The following RELCH variants were observed in gnomAD, a reference collection of about 807,000 sequenced individuals.
RELCH encodes RAB11-binding protein RELCH.
A neutral mutation model predicts 150.3 loss-of-function variants in RELCH; 41 were observed. The observed-to-expected ratio is 0.27, with a 90% CI of 0.21 to 0.35. RELCH has a LOEUF of 0.35. Among genes scored for constraint, RELCH ranks in the 10% least tolerant of loss-of-function variants. RELCH has a pLI of 1.00. For missense variants in RELCH, 1,092 were observed against 1,467.8 expected, an observed-to-expected ratio of 0.74 and a Z score of 4.18; for synonymous variants, 478 against 531.8, an observed-to-expected ratio of 0.90 and a Z score of 1.39.
intron 27 of RELCH, among the ~76,000 whole-genome samples, chr18:62,293,220 G>A (rs2045241605): frequency 6.6e-6 from 1 of 152,186 alleles, no homozygotes; most frequent in African/African-American, 2.4e-5. Context: ...GTTTGTATTA[G>A]TCAGGGTTCT....
intron 10 of RELCH, among the ~76,000 whole-genome samples, chr18:62,242,267 T>A (rs1252367083): frequency 3.9e-5 from 6 of 152,236 alleles, no homozygotes; most frequent in Non-Finnish European, 8.8e-5. Context: ...TATCAATTAT[T>A]ACTGTGATTA....
intron 2 of RELCH, among the ~76,000 whole-genome samples, chr18:62,220,649 C>T (rs1480515293): frequency 1.3e-5 from 2 of 151,510 alleles, no homozygotes; most frequent in Non-Finnish European, 2.9e-5. Flanking sequence ...TTACCTTATC[C>T]CCTGAAATTA....
intron 1 of RELCH, among the ~76,000 whole-genome samples, chr18:62,199,931 T>C (rs1219978382): frequency 6.6e-6 from 1 of 152,006 alleles, no homozygotes; most frequent in Non-Finnish European, 1.5e-5. Flanking sequence ...GTATGTGGCA[T>C]AAAATAAGTG....
chr18:62,242,572 T>A (rs2042202368), intron 10 of RELCH, among the ~76,000 whole-genome samples: 1 of 152,178 alleles, frequency 6.6e-6, no homozygotes, highest in Non-Finnish European at 1.5e-5. Flanking sequence ...TTAGTTTCCT[T>A]GGTACTAAGT....
At chr18:62,205,038 CACCTAATTCCAGTTA>C (rs1438020922) in intron 1 of RELCH, among the ~76,000 whole-genome samples, 2 of 152,162 alleles carry the variant, frequency 1.3e-5, no homozygotes, top group African/African-American at 4.8e-5. Flanking sequence ...ATACATCCAC[CACCTAATTCCAGTTA>C]ACCATACTTG....
intron 1 of RELCH, among the ~76,000 whole-genome samples, chr18:62,195,781 C>T (rs982883226): frequency 1.2e-4 from 18 of 151,740 alleles, no homozygotes; most frequent in Non-Finnish European, 1.9e-4. Context: ...CTGCCATCTC[C>T]ACCTCCCGGG....
intron 2 of RELCH, among the ~76,000 whole-genome samples, chr18:62,216,155 G>A (rs572472839): frequency 3.3e-5 from 5 of 151,656 alleles, no homozygotes; most frequent in African/African-American, 9.7e-5. Flanking sequence ...TCTAAATATC[G>A]AGATAGCCAT....
rs777752033 is a variant in RELCH, at chr18:62,244,779, A to T, written c.1636A>T (p.Ile546Leu). 59 of 1,611,092 alleles carry T rather than the reference A, an allele frequency of 3.7e-5. No individual in the cohort carries two copies. Among genetic ancestry groups the T allele is most frequent in the Non-Finnish European group, 4.9e-5 (58 of 1,177,508 alleles). Reference sequence around the variant, plus strand: ...ATTTCTTTAGGAGTTGATCCCCCTCATATTGTGTACAGCATGTCTACATCC... The same window carrying T: ...ATTTCTTTAGGAGTTGATCCCCCTCTTATTGTGTACAGCATGTCTACATCC... ...LAKREELIPL[I>L]LCTACLHPEP... Residue 546 changes from isoleucine to leucine, a missense_variant, in exon 11 of 29, where the codon ATA (isoleucine) becomes TTA (leucine). Ile to Leu is a conservative substitution (Grantham distance 5). Around this residue, in one of 4 missense-constraint regions of RELCH, gnomAD observed 707 missense variants for 1,025.4 expected, o/e 0.69. Transcript: ENST00000644646.
In RELCH at chr18:62,187,542, G is replaced by A. The variant is rs1192996176; in HGVS notation, c.37G>A (p.Gly13Ser). 1 of 1,514,984 alleles carries A rather than the reference G, an allele frequency of 6.6e-7. No homozygotes were observed. Among genetic ancestry groups the A allele is most frequent in the African/African-American group, 1.4e-5 (1 of 71,648 alleles). The allele number at this position is 1,514,984 out of a possible 1,614,324, so 93.8% of individuals were successfully genotyped here. A position where few individuals can be genotyped will look rare whatever the true frequency, so the allele number is the denominator to read the frequency against. The change falls in exon 1 of 29, where the codon GGC (glycine) becomes AGC (serine). Residue 13 changes from glycine (G) to serine (S), a missense_variant. This residue lies in a region of RELCH where 138 missense variants were observed against 124.8 expected (regional missense o/e 1.11). Transcript: ENST00000644646. ...AMAPGGSGSG[G>S]GVNPFLSDSD... is the part of the protein sequence containing the mutation. Reference sequence around the variant, plus strand: ...GGCGCCTGGAGGTAGTGGCAGTGGTGGCGGCGTGAATCCATTTCTCAGTGA... The same window carrying A: ...GGCGCCTGGAGGTAGTGGCAGTGGTAGCGGCGTGAATCCATTTCTCAGTGA...
intron 1 of RELCH, among the ~76,000 whole-genome samples, chr18:62,205,341 C>T (rs768418416): frequency 5.9e-5 from 9 of 152,068 alleles, no homozygotes; most frequent in Admixed American, 3.3e-4. Flanking sequence ...TTACCATCAC[C>T]CTGGAAAGTT....
At chr18:62,258,858 T>G (rs2043117336) in intron 15 of RELCH, among the ~76,000 whole-genome samples, 182 bp downstream of exon 15, 1 of 152,040 alleles carries the variant, frequency 6.6e-6, no homozygotes, top group Admixed American at 6.6e-5. Context: ...TTTGCTTTGC[T>G]GAAGCTGGAG....
chr18:62,220,892 C>T, intron 2 of RELCH, 145 bp from the exon 3 acceptor site: 1 of 720,926 alleles, frequency 1.4e-6, no homozygotes, highest in Non-Finnish European at 2.4e-6. Flanking sequence ...CATGCGTTCA[C>T]AAGTTTCATA....
Position 62,246,639 on chromosome 18 carries a change from C to T in RELCH, c.1733+1763C>T, listed in dbSNP as rs557651056. On this transcript the variant is annotated intron_variant, in intron 11 of 28. Coordinates refer to ENST00000644646, the MANE Select transcript of RELCH (RefSeq NM_001346231.2). ...TTTAATGAAGCTCTATTAGGAAGGCCCTTGTAGTTTTCACTTTGAGAAAAG... is the reference window on the plus strand; with the variant it reads ...TTTAATGAAGCTCTATTAGGAAGGCTCTTGTAGTTTTCACTTTGAGAAAAG... 5.9e-5 allele frequency: 9 copies of T among 152,188 alleles called. No individual in the cohort carries two copies. The South Asian group carries it at 1.9e-3, about 32-fold the overall frequency. 9.4% of individuals were successfully genotyped at this position (152,188 alleles called of 1,614,324 possible).
chr18:62,298,603 T>C lies in RELCH; in HGVS notation c.3460-187T>C, dbSNP rs555721504. On this transcript the variant is annotated intron_variant, in intron 27 of 28. Coordinates refer to ENST00000644646, the MANE Select transcript of RELCH (RefSeq NM_001346231.2). ...ATAAATTATTGTTATATGATTGAGATTTTTTAAAGCTACTTCTGAACCTAG... is the reference window on the plus strand; with the variant it reads ...ATAAATTATTGTTATATGATTGAGACTTTTTAAAGCTACTTCTGAACCTAG... Among the ~76,000 whole-genome samples the C allele has an allele frequency of 4.6e-5, 7 of 152,278 alleles. No homozygotes were observed. The South Asian group carries it at 1.4e-3, about 32-fold the overall frequency.
Position 62,264,022 on chromosome 18 carries a change from A to G in RELCH, c.2384A>G (p.Gln795Arg). The change falls in exon 17 of 29, where the codon CAA becomes CGA. Residue 795 changes from glutamine (Q) to arginine (R), a missense_variant. Around this residue, in one of 4 missense-constraint regions of RELCH, gnomAD observed 707 missense variants for 1,025.4 expected, o/e 0.69. Coordinates refer to ENST00000644646, the MANE Select transcript of RELCH (RefSeq NM_001346231.2). ...TRFPRPMSPL[Q>R]DVSTIIGSRE... ...TTTCCTCGGCCTATGTCGCCTCTTC[A>G]AGATGTGTCCACTATTATCGGAAGT... The G allele has an allele frequency of 1.2e-6, 2 of 1,609,236 alleles. No homozygotes were observed. Among genetic ancestry groups the G allele is most frequent in the Non-Finnish European group, 1.7e-6 (2 of 1,177,828 alleles).
rs1333610805 is a variant in RELCH at position 62,264,139 on chromosome 18, A to G, written c.2501A>G (p.Asn834Ser). The G allele has an allele frequency of 1.3e-6, 2 of 1,597,476 alleles. No homozygotes were observed. Among genetic ancestry groups the G allele is most frequent in the Non-Finnish European group, 1.7e-6 (2 of 1,173,394 alleles). ...TGWESLLWVV[N>S]QLLPQLIEIV... ...TGGGAGAGTTTACTGTGGGTTGTCAATCAATTGTAAGTTACCACCTCCATA... is the reference window on the plus strand; with the variant it reads ...TGGGAGAGTTTACTGTGGGTTGTCAGTCAATTGTAAGTTACCACCTCCATA... The change falls in exon 17 of 29, where the codon AAT becomes AGT. Residue 834 changes from asparagine to serine, a missense_variant. Around this residue, in one of 4 missense-constraint regions of RELCH, gnomAD observed 707 missense variants for 1,025.4 expected, o/e 0.69. Transcript: ENST00000644646.
At chr18:62,217,591 T>C (rs75389982) in intron 2 of RELCH, among the ~76,000 whole-genome samples, 301 of 152,098 alleles carry the variant, frequency 2.0e-3, no homozygotes, top group African/African-American at 7.0e-3. Flanking sequence ...AATCCATAGA[T>C]AATATTGAAC....
At position 62,298,776 on chromosome 18, in the gene RELCH, A is replaced by AT; in HGVS notation, c.3460-7dup. ...TGTAAACTGTATTTCACTAAGGTAAATTTTTTTAATCAGGTTATTTTAAGT... is the reference window on the plus strand; with the variant it reads ...TGTAAACTGTATTTCACTAAGGTAAATTTTTTTTAATCAGGTTATTTTAAGT... On this transcript the variant is annotated splice_polypyrimidine_tract_variant and intron_variant, in intron 27 of 28. Coordinates refer to ENST00000644646, the MANE Select transcript of RELCH (RefSeq NM_001346231.2). 4 of 1,368,160 alleles carry AT rather than the reference A, an allele frequency of 2.9e-6. No individual in the cohort carries two copies. The highest frequency in any genetic ancestry group is 1.4e-5 in the African/African-American group (1 of 69,580). 84.8% of individuals were successfully genotyped at this position (1,368,160 alleles called of 1,614,324 possible). A position where few individuals can be genotyped will look rare whatever the true frequency, so the allele number is the denominator to read the frequency against.
At chr18:62,271,114 G>A (rs2043876749) in intron 20 of RELCH, among the ~76,000 whole-genome samples, 1 of 152,126 alleles carries the variant, frequency 6.6e-6, no homozygotes, top group Admixed American at 6.5e-5. Context: ...CCCAGTAATG[G>A]GATCGTTGGG....
Sources: allele counts gnomAD v4.1 joint callset (sites outside exome capture counted in the v4.1 genomes callset), GRCh38; gene constraint gnomAD v4.1.1; regional missense constraint gnomAD v4.1.1; transcripts MANE v1.5; gene names NCBI Gene and HGNC (gene_info 2026-07-23, HGNC 2026-07-21).